The following KCNMA1 variants were observed in gnomAD, a reference collection of about 807,000 sequenced individuals.
The protein encoded by KCNMA1 is potassium calcium-activated channel subfamily M alpha 1.
In KCNMA1, 29 loss-of-function variants were observed where a neutral mutation model predicts 140.0. That is an observed-to-expected ratio of 0.21 (90% CI 0.15 to 0.28). KCNMA1 has a LOEUF of 0.28. Among genes scored for constraint, KCNMA1 ranks in the 10% least tolerant of loss-of-function variants. KCNMA1 has a pLI of 1.00. For synonymous variants in KCNMA1, 612 were observed against 611.9 expected (o/e 1.00, Z 0.00); for missense variants, 880 against 1,602.2 (o/e 0.55, Z 7.70).
intron 2 of KCNMA1, among the ~76,000 whole-genome samples, chr10:77,385,865 C>T (rs1351422330): frequency 6.6e-6 from 1 of 152,124 alleles, no homozygotes; most frequent in Non-Finnish European, 1.5e-5. Context: ...CTGGCAATAG[C>T]ATGAAAGATG....
chr10:77,298,679 G>A (rs115394999), intron 2 of KCNMA1, among the ~76,000 whole-genome samples: 14 of 152,250 alleles, frequency 9.2e-5, no homozygotes, highest in African/African-American at 3.4e-4. Context: ...CACATTAGGT[G>A]ACCTCCCAAA....
At chr10:77,111,044 A>T (rs949967403) in intron 7 of KCNMA1, among the ~76,000 whole-genome samples, 1 of 152,236 alleles carries the variant, frequency 6.6e-6, no homozygotes, top group South Asian at 2.1e-4. Flanking sequence ...TGGGCGACAC[A>T]GGTCCTGTTC....
At chr10:77,521,472 C>T (rs955472524) in intron 1 of KCNMA1, among the ~76,000 whole-genome samples, 8 of 152,226 alleles carry the variant, frequency 5.3e-5, no homozygotes, top group South Asian at 2.1e-4. Context: ...ATCCCAGATC[C>T]GCCAATTATG....
At chr10:77,483,522 C>T (rs1298398494) in intron 1 of KCNMA1, among the ~76,000 whole-genome samples, 1 of 152,202 alleles carries the variant, frequency 6.6e-6, no homozygotes, top group Non-Finnish European at 1.5e-5. Flanking sequence ...GGGTGGAGGG[C>T]TCTCTTCCCC....
intron 1 of KCNMA1, among the ~76,000 whole-genome samples, chr10:77,521,073 A>C (rs962940871): frequency 3.3e-5 from 5 of 152,242 alleles, no homozygotes; most frequent in Non-Finnish European, 7.3e-5. Flanking sequence ...CAGCCTCTGC[A>C]GGAGGCAGCT....
chr10:77,544,155 T>C (rs2060857848), intron 1 of KCNMA1, among the ~76,000 whole-genome samples: 1 of 143,772 alleles, frequency 7.0e-6, no homozygotes, highest in South Asian at 2.3e-4. Flanking sequence ...TCCAGCTGTG[T>C]GTGTGTGTGT....
chr10:77,087,314 T>A (rs540031622), intron 10 of KCNMA1, among the ~76,000 whole-genome samples: 8 of 152,148 alleles, frequency 5.3e-5, no homozygotes, highest in Middle Eastern at 3.4e-3. Context: ...TCCTAATAAA[T>A]CTCTCTAGAG....
chr10:77,216,682 T>C (rs981900074), intron 3 of KCNMA1, among the ~76,000 whole-genome samples: 2 of 152,266 alleles, frequency 1.3e-5, no homozygotes, highest in African/African-American at 4.8e-5. Context: ...TGAAGGCTTC[T>C]AAATTTGAAT....
chr10:76,945,011 GAGAC>G, intron 22 of KCNMA1, 46 bp from the exon 23 acceptor site: 1 of 1,499,634 alleles, frequency 6.7e-7, no homozygotes, highest in Non-Finnish European at 9.3e-7. Context: ...GGGGGAGAAA[GAGAC>G]AGAGAGAGAG....
intron 2 of KCNMA1, among the ~76,000 whole-genome samples, chr10:77,383,477 A>G (rs1421242756): frequency 6.6e-6 from 1 of 151,584 alleles, no homozygotes; most frequent in African/African-American, 2.4e-5. Context: ...TTTACCATTT[A>G]AGTAATTTTT....
At chr10:77,510,033 T>C (rs868713276) in intron 1 of KCNMA1, among the ~76,000 whole-genome samples, 19 of 152,198 alleles carry the variant, frequency 1.2e-4, no homozygotes, top group Middle Eastern at 6.8e-3. Context: ...TCCATGAGTG[T>C]TGCTCCTTTC....
At chr10:77,201,911 T>C (rs2042611622) in intron 3 of KCNMA1, among the ~76,000 whole-genome samples, 1 of 152,216 alleles carries the variant, frequency 6.6e-6, no homozygotes, top group Admixed American at 6.5e-5. Flanking sequence ...CTGGTTTTGA[T>C]AACATACCAT....
intron 5 of KCNMA1, among the ~76,000 whole-genome samples, chr10:77,160,486 T>A (rs1255541557): frequency 6.6e-6 from 1 of 152,178 alleles, no homozygotes; most frequent in East Asian, 1.9e-4. Flanking sequence ...ACTCATCCCA[T>A]CTGAATACAG....
chr10:77,608,320 G>A (rs557678154), intron 1 of KCNMA1, among the ~76,000 whole-genome samples: 1 of 152,266 alleles, frequency 6.6e-6, no homozygotes, highest in African/African-American at 2.4e-5. Flanking sequence ...CTACGGGGAT[G>A]TGCCACCACG....
At chr10:76,978,654 T>G (rs2078426705) in intron 19 of KCNMA1, 1 of 152,200 alleles carries the variant, frequency 6.6e-6, no homozygotes, top group South Asian at 2.1e-4. Flanking sequence ...AAGGAACTCT[T>G]TTTCTAAGAC....
intron 1 of KCNMA1, among the ~76,000 whole-genome samples, chr10:77,625,631 T>C (rs1003937292): frequency 4.6e-5 from 7 of 152,204 alleles, no homozygotes; most frequent in African/African-American, 1.7e-4. Flanking sequence ...CTTATTTCAT[T>C]TGGCTGATGT....
At chr10:76,957,323 T>G (rs1400889082) in intron 20 of KCNMA1, among the ~76,000 whole-genome samples, 1 of 151,810 alleles carries the variant, frequency 6.6e-6, no homozygotes, top group Non-Finnish European at 1.5e-5. Context: ...CCACCTAACC[T>G]AAGGTACAGA....
chr10:77,082,946 C>CT (rs895278450), intron 12 of KCNMA1, among the ~76,000 whole-genome samples: 7 of 152,170 alleles, frequency 4.6e-5, no homozygotes, highest in African/African-American at 1.7e-4. Context: ...CCCCACCTCA[C>CT]TGATGGGGAA....
intron 1 of KCNMA1, among the ~76,000 whole-genome samples, chr10:77,486,971 A>T (rs943802949): frequency 6.6e-6 from 1 of 152,192 alleles, no homozygotes. Flanking sequence ...TCCGCTCAGG[A>T]CCACTTAAAG....
Sources: allele counts gnomAD v4.1 joint callset (sites outside exome capture counted in the v4.1 genomes callset), GRCh38; gene constraint gnomAD v4.1.1; transcripts MANE v1.5; gene names NCBI Gene and HGNC (gene_info 2026-07-23, HGNC 2026-07-21).